Variants in FBXO11 observed in about 807,000 individuals in gnomAD.
FBXO11 encodes F-box only protein 11.
FBXO11 carries 13 observed loss-of-function variants against 117.0 expected under a neutral mutation model. The ratio of observed to expected loss-of-function variants is 0.11; its 90% CI spans 0.07 to 0.18. FBXO11 has a LOEUF of 0.18. Among genes scored for constraint, FBXO11 ranks in the 10% least tolerant of loss-of-function variants. FBXO11 has a pLI of 1.00. For missense variants in FBXO11, 767 were observed against 1,164.4 expected (o/e 0.66, Z 4.97); for synonymous variants, 490 against 380.5 (o/e 1.29, Z -3.35).
intron 13 of FBXO11, among the ~76,000 whole-genome samples, chr2:47,821,799 C>A (rs1397534654): frequency 2.6e-5 from 4 of 151,822 alleles, no homozygotes; most frequent in Non-Finnish European, 5.9e-5. Context: ...ACAACAACAA[C>A]AAAAATTAAA....
intron 1 of FBXO11, among the ~76,000 whole-genome samples, chr2:47,893,480 T>C (rs1007033366): frequency 6.6e-6 from 1 of 152,184 alleles, no homozygotes; most frequent in Non-Finnish European, 1.5e-5. Context: ...GATAAATTAT[T>C]AATCTATTCA....
At chr2:47,864,518 C>T (rs904353457) in intron 1 of FBXO11, among the ~76,000 whole-genome samples, 2 of 152,050 alleles carry the variant, frequency 1.3e-5, no homozygotes, top group African/African-American at 4.8e-5. Flanking sequence ...ACCCGGGAGG[C>T]AGAGGTTGCA....
intron 1 of FBXO11, among the ~76,000 whole-genome samples, chr2:47,847,806 T>C (rs1673536029): frequency 6.6e-6 from 1 of 151,904 alleles, no homozygotes; most frequent in African/African-American, 2.4e-5. Flanking sequence ...GTGACTGTGT[T>C]AGACAGACTG....
At chr2:47,831,399 C>G (rs569669869) in intron 11 of FBXO11, among the ~76,000 whole-genome samples, 1 of 97,642 alleles carries the variant, frequency 1.0e-5, no homozygotes, top group East Asian at 3.1e-4. Flanking sequence ...CTAGCCTGGG[C>G]AACAAGGGTG....
chr2:47,869,019 G>A (rs1389283768), intron 1 of FBXO11, among the ~76,000 whole-genome samples: 1 of 152,208 alleles, frequency 6.6e-6, no homozygotes, highest in Admixed American at 6.5e-5. Flanking sequence ...TGAAGATTCA[G>A]TTACAACGTT....
chr2:47,821,704 G>A (rs1230783695), intron 13 of FBXO11, among the ~76,000 whole-genome samples: 1 of 152,120 alleles, frequency 6.6e-6, no homozygotes, highest in East Asian at 1.9e-4. Context: ...AGGATCGCTT[G>A]AACCTGGGAG....
chr2:47,901,098 T>C (rs1489513595), intron 1 of FBXO11, among the ~76,000 whole-genome samples: 2 of 106,520 alleles, frequency 1.9e-5, no homozygotes, highest in African/African-American at 6.6e-5. Flanking sequence ...TATATATACA[T>C]ATATATGTAT....
At chr2:47,903,110 T>C (rs1259215028) in intron 1 of FBXO11, among the ~76,000 whole-genome samples, 1 of 152,220 alleles carries the variant, frequency 6.6e-6, no homozygotes, top group Non-Finnish European at 1.5e-5. Context: ...CTGATCATTA[T>C]ATGAATCGGA....
chr2:47,815,676 A>G (rs1341503534), intron 16 of FBXO11, among the ~76,000 whole-genome samples: 1 of 152,212 alleles, frequency 6.6e-6, no homozygotes, highest in Non-Finnish European at 1.5e-5. Context: ...CCTGGTTGAA[A>G]TTGGCCAAGT....
chr2:47,839,553 C>A, intron 2 of FBXO11, 53 bp from the exon 3 acceptor site: 1 of 1,603,950 alleles, frequency 6.2e-7, no homozygotes, highest in Non-Finnish European at 8.5e-7. Context: ...CATCCATAAT[C>A]ATTACTTCTA....
chr2:47,863,596 G>A (rs923402410), intron 1 of FBXO11, among the ~76,000 whole-genome samples: 2 of 151,854 alleles, frequency 1.3e-5, no homozygotes. Flanking sequence ...TAATATTTTG[G>A]GGTTATGGCA....
chr2:47,825,993 G>A (rs982120339), intron 11 of FBXO11, among the ~76,000 whole-genome samples: 1 of 152,066 alleles, frequency 6.6e-6, no homozygotes, highest in Non-Finnish European at 1.5e-5. Context: ...CAAATGCAAG[G>A]GATAATCTTT....
At chr2:47,864,304 T>C (rs899265383) in intron 1 of FBXO11, among the ~76,000 whole-genome samples, 2 of 152,150 alleles carry the variant, frequency 1.3e-5, no homozygotes, top group African/African-American at 4.8e-5. Context: ...AAGACAGGAA[T>C]TGGCTGGGCG....
At chr2:47,876,239 T>G (rs1263612877) in intron 1 of FBXO11, among the ~76,000 whole-genome samples, 1 of 152,256 alleles carries the variant, frequency 6.6e-6, no homozygotes, top group Non-Finnish European at 1.5e-5. Flanking sequence ...CATTCCTGAC[T>G]CAACTCTATT....
intron 1 of FBXO11, among the ~76,000 whole-genome samples, chr2:47,872,568 C>T (rs1675702637): frequency 6.6e-6 from 1 of 152,230 alleles, no homozygotes; most frequent in Admixed American, 6.5e-5. Flanking sequence ...AGGTGATCCG[C>T]GTGCCTCGGC....
intron 16 of FBXO11, among the ~76,000 whole-genome samples, chr2:47,816,976 G>C (rs945267240): frequency 6.6e-6 from 1 of 152,178 alleles, no homozygotes; most frequent in Non-Finnish European, 1.5e-5. Context: ...CTTAACAAGA[G>C]ATCAGCTTGC....
chr2:47,822,327 A>G, intron 12 of FBXO11, 24 bp from the exon 13 acceptor site: 1 of 1,464,470 alleles, frequency 6.8e-7, no homozygotes, highest in Non-Finnish European at 9.4e-7. Flanking sequence ...AAATAAAAAA[A>G]AAGAAGACAT....
chr2:47,880,382 C>T (rs1383123013), intron 1 of FBXO11, among the ~76,000 whole-genome samples: 4 of 152,164 alleles, frequency 2.6e-5, no homozygotes, highest in Non-Finnish European at 5.9e-5. Context: ...TTAGTATTTT[C>T]ATGGCTTTAT....
At chr2:47,903,562 C>A (rs745354111) in intron 1 of FBXO11, among the ~76,000 whole-genome samples, 10 of 152,084 alleles carry the variant, frequency 6.6e-5, no homozygotes, top group Admixed American at 3.9e-4. Context: ...GTGTCCAAGA[C>A]AAAATTACAT....
Sources: allele counts gnomAD v4.1 joint callset (sites outside exome capture counted in the v4.1 genomes callset), GRCh38; gene constraint gnomAD v4.1.1; transcripts MANE v1.5; gene names NCBI Gene and HGNC (gene_info 2026-07-23, HGNC 2026-07-21).